Variants in CD274 observed in about 807,000 individuals in gnomAD.
CD274 encodes programmed cell death 1 ligand 1.
A neutral mutation model predicts 30.1 loss-of-function variants in CD274; 8 were observed. The observed-to-expected ratio is 0.27, with a 90% CI of 0.16 to 0.48. CD274 has a LOEUF of 0.48. Among genes scored for constraint, CD274 ranks in the 20% least tolerant of loss-of-function variants. The pLI is 0.99. For synonymous variants in CD274, 152 were observed against 124.6 expected, an observed-to-expected ratio of 1.22 and a Z score of -1.46; for missense variants, 353 against 346.6, an observed-to-expected ratio of 1.02 and a Z score of -0.15.
rs1819484039 is a variant in CD274 at position 5,465,555 on chromosome 9, A to G, written c.739A>G (p.Ile247Val). ...ERTHLVILGA[I>V]LLCLGVALTF... ...GACTCACTTGGTAATTCTGGGAGCC[A>G]TCTTATTATGCCTTGGTGTAGCACT... The change falls in exon 5 of 7, where the codon ATC becomes GTC. Residue 247 changes from isoleucine to valine, a missense_variant. Transcript: ENST00000381577. 6.2e-7 allele frequency: 1 copy of G among 1,612,410 alleles called. No individual in the cohort carries two copies. Among genetic ancestry groups the G allele is most frequent in the Non-Finnish European group, 8.5e-7 (1 of 1,178,458 alleles).
chr9:5,459,644 A>G (rs904078701), intron 3 of CD274, among the ~76,000 whole-genome samples: 35 of 152,204 alleles, frequency 2.3e-4, no homozygotes, highest in Admixed American at 1.7e-3. Context: ...AATTATCACT[A>G]TCACTTCGGG....
In CD274 at chr9:5,457,119, G is replaced by A. The variant is rs1242093213; in HGVS notation, c.93G>A (p.Glu31=). The part of the protein sequence containing the change: ...VTVPKDLYVV[E]YGSNMTIECK... ...TTCCCAAGGACCTATATGTGGTAGA[G>A]TATGGTAGCAATATGACAATTGAAT... Residue 31 remains glutamate, a synonymous_variant, in exon 3 of 7, where the codon GAG becomes GAA. Coordinates refer to ENST00000381577, the MANE Select transcript of CD274 (RefSeq NM_014143.4). The A allele has an allele frequency of 6.2e-7, 1 of 1,613,776 alleles. No homozygotes were observed.
rs1039456785 is a variant in CD274, at chr9:5,469,034, G to A, written c.*1172G>A. On this transcript the variant is annotated 3_prime_UTR_variant, in exon 7 of 7. Coordinates refer to ENST00000381577, the MANE Select transcript of CD274 (RefSeq NM_014143.4). ...CAGTGTCATAGCATAAGGATGATGC[G>A]AGGGGAAAACCCGAGCAGTGTTGCC... The A allele has an allele frequency of 5.2e-5, 12 of 232,958 alleles. No homozygotes were observed. The highest frequency in any genetic ancestry group is 2.0e-4 in the African/African-American group (9 of 45,324). The allele number at this position is 232,958 out of a possible 1,614,324, so 14.4% of individuals were successfully genotyped here. A position where few individuals can be genotyped will look rare whatever the true frequency, so the allele number is the denominator to read the frequency against.
chr9:5,451,317 G>C (rs1026301479), intron 1 of CD274, among the ~76,000 whole-genome samples: 1 of 152,080 alleles, frequency 6.6e-6, no homozygotes, highest in African/African-American at 2.4e-5. Flanking sequence ...TGCTGCATTC[G>C]ATTAGATTGG....
chr9:5,453,841 G>A (rs935465394), intron 1 of CD274, among the ~76,000 whole-genome samples: 6 of 152,310 alleles, frequency 3.9e-5, no homozygotes, highest in African/African-American at 1.4e-4. Context: ...CCTGTGCACT[G>A]CAGGGTGTTT....
At chr9:5,466,419 G>C (rs892673911) in intron 5 of CD274, among the ~76,000 whole-genome samples, 1 of 152,124 alleles carries the variant, frequency 6.6e-6, no homozygotes, top group African/African-American at 2.4e-5. Flanking sequence ...TTTGCACAAA[G>C]AAATAATTGT....
rs1819538623 is a variant in CD274 at position 5,468,749 on chromosome 9, A to T, written c.*887A>T. On this transcript the variant is annotated 3_prime_UTR_variant, in exon 7 of 7. Transcript: ENST00000381577. Reference sequence around the variant, plus strand: ...TACCCATCGTACAGCTGAGGAAGCAAACAGATTAAGTAACTTGCCCAAACC... The same window carrying T: ...TACCCATCGTACAGCTGAGGAAGCATACAGATTAAGTAACTTGCCCAAACC... The T allele has an allele frequency of 8.6e-6, 2 of 233,092 alleles. No homozygotes were observed. Among genetic ancestry groups the T allele is most frequent in the East Asian group, 1.2e-4 (2 of 16,574 alleles). 14.4% of individuals were successfully genotyped at this position (233,092 alleles called of 1,614,324 possible).
At chr9:5,455,014 G>T (rs911234581) in intron 1 of CD274, among the ~76,000 whole-genome samples, 1 of 151,980 alleles carries the variant, frequency 6.6e-6, no homozygotes, top group African/African-American at 2.4e-5. Context: ...CTTATTGATT[G>T]TTAGGAGCTA....
In CD274 at chr9:5,469,398, T is replaced by C. The variant is rs981758242; in HGVS notation, c.*1536T>C. 3 of 232,482 alleles carry C rather than the reference T, an allele frequency of 1.3e-5. No homozygotes were observed. Among genetic ancestry groups the C allele is most frequent in the African/African-American group, 6.6e-5 (3 of 45,434 alleles). The allele number at this position is 232,482 out of a possible 1,614,324, so 14.4% of individuals were successfully genotyped here. On this transcript the variant is annotated 3_prime_UTR_variant, in exon 7 of 7. Coordinates refer to ENST00000381577, the MANE Select transcript of CD274 (RefSeq NM_014143.4). ...ACTTCATCCTCCAAGCCATTCAAGT[T>C]TCCTTTCCAGAAGCAACTGCTACTG... is the stretch of plus-strand genomic sequence containing the variant.
intron 1 of CD274, among the ~76,000 whole-genome samples, chr9:5,455,805 C>T (rs1819290926): frequency 6.6e-6 from 1 of 152,122 alleles, no homozygotes; most frequent in South Asian, 2.1e-4. Context: ...GAATTTGGTG[C>T]AATATTATCT....
rs138638597 is a variant in CD274, at chr9:5,463,972, T to G, written c.682+851T>G. On this transcript the variant is annotated intron_variant, in intron 4 of 6. Transcript: ENST00000381577. Reference sequence around the variant, plus strand: ...ATGATATTTAATATAAACACAAAGATATTCTGAGAAGAGCTGCTCACTGCC... The same window carrying G: ...ATGATATTTAATATAAACACAAAGAGATTCTGAGAAGAGCTGCTCACTGCC... Among the ~76,000 whole-genome samples, 5 of 152,198 alleles carry G rather than the reference T, an allele frequency of 3.3e-5. No homozygotes were observed. The East Asian group carries it at 9.7e-4, about 29-fold the overall frequency.
In CD274 at chr9:5,468,939, G is replaced by C; in HGVS notation, c.*1077G>C. 1 of 233,110 alleles carries C rather than the reference G, an allele frequency of 4.3e-6. No homozygotes were observed. The allele number at this position is 233,110 out of a possible 1,614,324, so 14.4% of individuals were successfully genotyped here. A position where few individuals can be genotyped will look rare whatever the true frequency, so the allele number is the denominator to read the frequency against. On this transcript the variant is annotated 3_prime_UTR_variant, in exon 7 of 7. Transcript: ENST00000381577. ...AATCTACAGATGTGAGCAAGACAAA[G>C]TACCTGTCCTCAAGGAGCTCATAGT... is the stretch of plus-strand genomic sequence containing the variant.
intron 4 of CD274, among the ~76,000 whole-genome samples, chr9:5,465,189 A>G (rs562963582): frequency 8.0e-4 from 122 of 152,058 alleles, no homozygotes; most frequent in African/African-American, 2.7e-3. Flanking sequence ...TATAAATATT[A>G]GCCTCACAAG....
Position 5,462,912 on chromosome 9 carries a change from A to T in CD274, c.473A>T (p.Glu158Val), listed in dbSNP as rs1819430510. 10 of 1,614,066 alleles carry T rather than the reference A, an allele frequency of 6.2e-6. No homozygotes were observed. Among genetic ancestry groups the T allele is most frequent in the Non-Finnish European group, 8.5e-6 (10 of 1,179,938 alleles). ...TSEHELTCQA[E>V]GYPKAEVIWT... ...GAACATGAACTGACATGTCAGGCTG[A>T]GGGCTACCCCAAGGCCGAAGTCATC... Residue 158 changes from glutamate (E) to valine (V), a missense_variant, in exon 4 of 7, where the codon GAG becomes GTG. Transcript: ENST00000381577.
In CD274 at chr9:5,467,916, G is replaced by T; in HGVS notation, c.*54G>T. 6.8e-7 allele frequency: 1 copy of T among 1,465,910 alleles called. No individual in the cohort carries two copies. Among genetic ancestry groups the T allele is most frequent in the Admixed American group, 1.7e-5 (1 of 59,756 alleles). 90.8% of individuals were successfully genotyped at this position (1,465,910 alleles called of 1,614,324 possible). On this transcript the variant is annotated 3_prime_UTR_variant, in exon 7 of 7. Coordinates refer to ENST00000381577, the MANE Select transcript of CD274 (RefSeq NM_014143.4). ...CAGGGATTCTCAACCTGTGGTTTAG[G>T]GGTTCATCGGGGCTGAGCGTGACAA...
chr9:5,453,017 ATTTATAT>A lies in CD274; in HGVS notation c.-15+2428_-15+2434del, dbSNP rs200489590. Among the ~76,000 whole-genome samples, 12 of 151,740 alleles carry A rather than the reference ATTTATAT, an allele frequency of 7.9e-5. No homozygotes were observed. The East Asian group carries it at 2.1e-3, about 27-fold the overall frequency. On this transcript the variant is annotated intron_variant, in intron 1 of 6. Coordinates refer to ENST00000381577, the MANE Select transcript of CD274 (RefSeq NM_014143.4). Reference sequence around the variant, plus strand: ...AGTTATAAAATATTTTATAAGTAATATTTATATTTTATAAGTAATATTTTATAACTGT... The same window carrying A: ...AGTTATAAAATATTTTATAAGTAATATTTATAAGTAATATTTTATAACTGT...
intron 1 of CD274, among the ~76,000 whole-genome samples, chr9:5,450,829 T>C (rs1033665703): frequency 1.3e-5 from 2 of 152,212 alleles, no homozygotes; most frequent in Admixed American, 6.5e-5. Flanking sequence ...CTAAAAATAA[T>C]TTATACCTCT....
chr9:5,453,820 T>C (rs1043490033), intron 1 of CD274, among the ~76,000 whole-genome samples: 2 of 152,240 alleles, frequency 1.3e-5, no homozygotes, highest in Non-Finnish European at 1.5e-5. Context: ...GTCTTTGCTG[T>C]GGGAGGCTGG....
intron 1 of CD274, among the ~76,000 whole-genome samples, chr9:5,452,806 C>A (rs1819231002): frequency 6.6e-6 from 1 of 152,096 alleles, no homozygotes; most frequent in Non-Finnish European, 1.5e-5. Context: ...CCAGAGTAGG[C>A]CATAAACATT....
Sources: allele counts gnomAD v4.1 joint callset (sites outside exome capture counted in the v4.1 genomes callset), GRCh38; gene constraint gnomAD v4.1.1; transcripts MANE v1.5; gene names NCBI Gene and HGNC (gene_info 2026-07-23, HGNC 2026-07-21).